Variants in PCDHGA2 observed in about 807,000 individuals in gnomAD.
PCDHGA2 encodes protocadherin gamma-A2.
PCDHGA2 carries 40 observed loss-of-function variants against 59.2 expected under a neutral mutation model. The observed-to-expected ratio is 0.68, with a 90% CI of 0.52 to 0.88. The LOEUF is 0.88. Among genes scored for constraint, PCDHGA2 ranks in the 40% least tolerant of loss-of-function variants. The probability of loss-of-function intolerance (pLI) is 0.00; values close to 1 mark genes in which losing one functional copy is unlikely to be tolerated. For missense variants in PCDHGA2, 1,226 were observed against 1,204.0 expected, an observed-to-expected ratio of 1.02 and a Z score of -0.27; for synonymous variants, 560 against 526.0, an observed-to-expected ratio of 1.06 and a Z score of -0.89.
intron 1 of PCDHGA2, chr5:141,374,640 C>G: frequency 6.2e-7 from 1 of 1,612,778 alleles, no homozygotes; most frequent in African/African-American, 1.3e-5. Flanking sequence ...CAAAGCGAAG[C>G]CCATGGGCCC....
chr5:141,459,300 A>T (rs954766370), intron 1 of PCDHGA2, among the ~76,000 whole-genome samples: 1 of 152,202 alleles, frequency 6.6e-6, no homozygotes, highest in Non-Finnish European at 1.5e-5. Flanking sequence ...ATCCTATAAC[A>T]TATACTATTT....
chr5:141,426,766 T>C (rs2096958771), intron 1 of PCDHGA2: 1 of 456,532 alleles, frequency 2.2e-6, no homozygotes, highest in South Asian at 1.5e-5. Flanking sequence ...GATGCAGATG[T>C]AGGGCCTCAC....
At chr5:141,472,980 C>CAAAAAAAAAAAAAAAAAAA (rs60579131) in intron 1 of PCDHGA2, among the ~76,000 whole-genome samples, 6 of 86,104 alleles carry the variant, frequency 7.0e-5, no homozygotes, top group African/African-American at 1.2e-4. Context: ...GAGTGAAACT[C>CAAAAAAAAAAAAAAAAAAA]AAAAAAAAAA....
At chr5:141,384,991 G>A in intron 1 of PCDHGA2, 2 of 1,614,124 alleles carry the variant, frequency 1.2e-6, no homozygotes, top group Non-Finnish European at 1.7e-6. Context: ...GGTGGCGGTG[G>A]CCACAGTCTC....
intron 1 of PCDHGA2, among the ~76,000 whole-genome samples, chr5:141,347,500 T>G (rs1026754651): frequency 6.6e-6 from 1 of 151,896 alleles, no homozygotes; most frequent in African/African-American, 2.4e-5. Context: ...AGAACAAAAA[T>G]GTAGAGGCTG....
intron 1 of PCDHGA2, among the ~76,000 whole-genome samples, chr5:141,462,769 G>T (rs1462290112): frequency 6.6e-6 from 1 of 151,956 alleles, no homozygotes; most frequent in African/African-American, 2.4e-5. Flanking sequence ...TCCTGGCTTG[G>T]GGTCATAATT....
chr5:141,492,224 T>C (rs2099738444), intron 1 of PCDHGA2, among the ~76,000 whole-genome samples: 1 of 152,134 alleles, frequency 6.6e-6, no homozygotes, highest in South Asian at 2.1e-4. Flanking sequence ...CTCATGCGTG[T>C]CCTCCCTGCT....
At chr5:141,429,489 A>G (rs2097218567) in intron 1 of PCDHGA2, among the ~76,000 whole-genome samples, 1 of 152,062 alleles carries the variant, frequency 6.6e-6, no homozygotes, top group South Asian at 2.1e-4. Context: ...AGCTGAGACT[A>G]CAGTTGCCTG....
At chr5:141,443,871 G>A (rs1395939418) in intron 1 of PCDHGA2, among the ~76,000 whole-genome samples, 1 of 152,112 alleles carries the variant, frequency 6.6e-6, no homozygotes, top group East Asian at 1.9e-4. Context: ...AAAAATTACT[G>A]ATAAGTCAAG....
At chr5:141,372,403 A>G in intron 1 of PCDHGA2, 1 of 1,614,028 alleles carries the variant, frequency 6.2e-7, no homozygotes, top group Non-Finnish European at 8.5e-7. Flanking sequence ...AGCTTGCAAG[A>G]GATACAACCT....
At chr5:141,359,899 A>C (rs1761354532) in intron 1 of PCDHGA2, 1 of 400,996 alleles carries the variant, frequency 2.5e-6, no homozygotes. Flanking sequence ...AATATTGACA[A>C]GCCATTAGTG....
intron 1 of PCDHGA2, chr5:141,355,705 G>A (rs752821491): frequency 1.2e-6 from 2 of 1,613,940 alleles, no homozygotes; most frequent in Non-Finnish European, 1.7e-6. Flanking sequence ...CTCCCTGCAG[G>A]GTTACCAGCT....
chr5:141,489,579 C>G lies in PCDHGA2; in HGVS notation c.2425-5228C>G, dbSNP rs112808093. 3.7e-6 allele frequency: 6 copies of G among 1,613,922 alleles called. No individual in the cohort carries two copies. The Admixed American group carries it at 5.0e-5, about 13-fold the overall frequency. On this transcript the variant is annotated intron_variant, in intron 1 of 3. Transcript: ENST00000394576. This position sits in a 1 kb window ranked among gnomAD's most constrained non-coding sequence, Gnocchi z 4.5. ...CAGTGCAGGTGGTGACTGAACACCC[C>G]CTGGAGCTAATCCGTGTAGAGGTAG... is the stretch of plus-strand genomic sequence containing the variant.
chr5:141,376,685 T>TTGTTTGTTTG (rs1554084826), intron 1 of PCDHGA2: 2 of 813,646 alleles, frequency 2.5e-6, no homozygotes, highest in African/African-American at 3.8e-5. Flanking sequence ...CGTTTTTTTT[T>TTGTTTGTTTG]TTTTTTTTTT....
chr5:141,419,967 TTCTC>T (rs1324855239), intron 1 of PCDHGA2: 2 of 1,614,086 alleles, frequency 1.2e-6, no homozygotes, highest in Admixed American at 3.3e-5. Context: ...TCTGTGCTCT[TTCTC>T]CTCGCGGTGA....
At chr5:141,419,555 G>A (rs1411289369) in intron 1 of PCDHGA2, 3 of 1,611,876 alleles carry the variant, frequency 1.9e-6, no homozygotes, top group South Asian at 1.1e-5. Context: ...GCTGTACCCT[G>A]CGCTGGGTCC....
rs1756940775 is a variant in PCDHGA2 at position 141,340,399 on chromosome 5, C to T, written c.1428C>T (p.Ala476=). 6.2e-7 allele frequency: 1 copy of T among 1,614,182 alleles called. No homozygotes were observed. Among genetic ancestry groups the T allele is most frequent in the Non-Finnish European group, 8.5e-7 (1 of 1,180,030 alleles). Residue 476 remains alanine (A), a synonymous_variant, in exon 1 of 4, where the codon GCC becomes GCT. Coordinates refer to ENST00000394576, the MANE Select transcript of PCDHGA2 (RefSeq NM_018915.4). ...GAGCCTCTGTCTTCTCAGTGACGGC[C>T]CATGACCCCGACAGCAACGACAATG... is the stretch of plus-strand genomic sequence containing the variant. ...PRGASVFSVT[A]HDPDSNDNAH... is the part of the protein sequence containing the mutation.
chr5:141,366,162 C>A (rs1037452604), intron 1 of PCDHGA2: 1 of 1,614,110 alleles, frequency 6.2e-7, no homozygotes, highest in South Asian at 1.1e-5. Context: ...CTGCTTAAGG[C>A]CAGCGAGCCA....
At chr5:141,488,866 G>A (rs957501628) in intron 1 of PCDHGA2, among the ~76,000 whole-genome samples, 1 of 152,148 alleles carries the variant, frequency 6.6e-6, no homozygotes, top group African/African-American at 2.4e-5. Flanking sequence ...GAAGTGAGTG[G>A]GGAGGTAGGA....
Sources: gnomAD v4.1 joint callset for allele counts (sites outside exome capture counted in the v4.1 genomes callset) on GRCh38, gnomAD v4.1.1 for gene constraint, Gnocchi (gnomAD v3.1) non-coding constraint, MANE v1.5 for transcripts, NCBI Gene and HGNC (gene_info 2026-07-23, HGNC 2026-07-21) for gene names.